The following PTGIS variants were observed in gnomAD, a reference collection of about 807,000 sequenced individuals.
PTGIS encodes the protein prostaglandin I2 synthase.
A neutral mutation model predicts 50.3 loss-of-function variants in PTGIS; 45 were observed. The observed-to-expected ratio is 0.90, with a 90% CI of 0.70 to 1.15. The LOEUF (loss-of-function observed/expected upper bound fraction) is 1.15, where lower values mean the gene tolerates loss of function less well. Among genes scored for constraint, PTGIS ranks in the 50% most tolerant of loss-of-function variants. The probability of loss-of-function intolerance (pLI) is 0.00; values close to 1 mark genes in which losing one functional copy is unlikely to be tolerated. For synonymous variants in PTGIS, 260 were observed against 267.7 expected, an observed-to-expected ratio of 0.97 and a Z score of 0.28; for missense variants, 668 against 661.3, an observed-to-expected ratio of 1.01 and a Z score of -0.11.
chr20:49,557,068 G>A (rs1218624814), intron 1 of PTGIS, among the ~76,000 whole-genome samples: 1 of 152,012 alleles, frequency 6.6e-6, no homozygotes, highest in African/African-American at 2.4e-5. Flanking sequence ...TTCCAGGTTC[G>A]TTCTTTCTTT....
chr20:49,565,148 ATTT>A (rs60427465), intron 1 of PTGIS, among the ~76,000 whole-genome samples: 5 of 146,128 alleles, frequency 3.4e-5, no homozygotes, highest in Non-Finnish European at 3.0e-5. Context: ...TTTTTTTTGT[ATTT>A]TTTTTTTTTT....
chr20:49,542,477 TC>T (rs1227761633), intron 4 of PTGIS, among the ~76,000 whole-genome samples: 6 of 152,298 alleles, frequency 3.9e-5, no homozygotes, highest in Admixed American at 3.9e-4. Context: ...CTGAGCTGAT[TC>T]CCCTGTGCCT....
intron 5 of PTGIS, among the ~76,000 whole-genome samples, chr20:49,536,509 C>A (rs1206063773): frequency 3.4e-5 from 4 of 117,386 alleles, no homozygotes; most frequent in Non-Finnish European, 6.5e-5. Context: ...GAGACGGAGT[C>A]TCACTCTGTC....
chr20:49,524,157 C>G lies in PTGIS; in HGVS notation c.756G>C (p.Arg252=), dbSNP rs2051918632. 6.2e-7 allele frequency: 1 copy of G among 1,614,118 alleles called. No individual in the cohort carries two copies. The highest frequency in any genetic ancestry group is 8.5e-7 in the Non-Finnish European group (1 of 1,180,046). Residue 252 remains arginine, a synonymous_variant, in exon 6 of 10, where the codon CGG becomes CGC. Transcript: ENST00000244043. ...SPARLARRAH[R]SKWLESYLLH... The stretch of plus-strand genomic sequence containing the variant: ...GCAGGTAACTCTCCAGCCATTTGCT[C>G]CGGTGGGCCCGCCTGGCCAGCCTGG...
rs183572091 is a variant in PTGIS at position 49,521,186 on chromosome 20, G to A, written c.855+2872C>T. On this transcript the variant is annotated intron_variant, in intron 6 of 9. Coordinates refer to ENST00000244043, the MANE Select transcript of PTGIS (RefSeq NM_000961.4). ...TGCCTCCTTTCATCTTCACAACCAC[G>A]TCTTGAAACGGGTGCTACCATCTCC... Among the ~76,000 whole-genome samples, 127 of 152,278 alleles carry A rather than the reference G, an allele frequency of 8.3e-4. 2 individuals carry two copies. The highest frequency in any genetic ancestry group is 6.9e-3 in the Admixed American group (105 of 15,300).
Position 49,524,236 on chromosome 20 carries a change from TC to T in PTGIS, c.676del (p.Asp226ThrfsTer110). 1 of 1,614,034 alleles carries T rather than the reference TC, an allele frequency of 6.2e-7. No homozygotes were observed. The highest frequency in any genetic ancestry group is 8.5e-7 in the Non-Finnish European group (1 of 1,179,994). On this transcript the variant is annotated frameshift_variant and splice_region_variant, in exon 6 of 10. Transcript: ENST00000244043. LOFTEE classifies it high-confidence loss of function. ...TTTGACACTGCACATGTGGTCCTTG[TC>T]CCCTGCAGGGACAGAGCACAGAGAG... is the stretch of plus-strand genomic sequence containing the variant. ...KLARGSLSVG[D>X]KDHMCSVKSR...
In PTGIS at chr20:49,517,966, G is replaced by A. The variant is rs540354922; in HGVS notation, c.856-3571C>T. Among the ~76,000 whole-genome samples the A allele has an allele frequency of 5.3e-4, 80 of 152,332 alleles. 1 individual carries two copies. The highest frequency in any genetic ancestry group is 2.9e-3 in the South Asian group (14 of 4,828). ...ATCCACGCAGAGTGGGGCATATGACGTGGGCTGGGCCAGTGAGTATCAGTC... is the reference window on the plus strand; with the variant it reads ...ATCCACGCAGAGTGGGGCATATGACATGGGCTGGGCCAGTGAGTATCAGTC... On this transcript the variant is annotated intron_variant, in intron 6 of 9. Transcript: ENST00000244043.
intron 8 of PTGIS, 27 bp downstream of exon 8, chr20:49,513,053 A>G: frequency 6.2e-7 from 1 of 1,613,792 alleles, no homozygotes; most frequent in South Asian, 1.1e-5. Flanking sequence ...CACAGACCCC[A>G]TATGACCAGG....
chr20:49,513,180 A>G lies in PTGIS; in HGVS notation c.1106T>C (p.Met369Thr). ...REVVVDLAMPMADGREFNLRR... is the reference protein window; with the variant it reads ...REVVVDLAMPTADGREFNLRR... ...CAGGTTGAATTCTCGCCCGTCTGCCATGGGCATGGCCAGGTCCACCACAAC... is the reference window on the plus strand; with the variant it reads ...CAGGTTGAATTCTCGCCCGTCTGCCGTGGGCATGGCCAGGTCCACCACAAC... The change falls in exon 8 of 10, where the codon ATG becomes ACG. Residue 369 changes from methionine (M) to threonine (T), a missense_variant. Transcript: ENST00000244043. 6.2e-7 allele frequency: 1 copy of G among 1,614,124 alleles called. No homozygotes were observed. Among genetic ancestry groups the G allele is most frequent in the Non-Finnish European group, 8.5e-7 (1 of 1,180,020 alleles).
At chr20:49,545,531 A>C (rs963327994) in intron 3 of PTGIS, among the ~76,000 whole-genome samples, 3 of 152,112 alleles carry the variant, frequency 2.0e-5, no homozygotes, top group Non-Finnish European at 2.9e-5. Flanking sequence ...GCACAGAGTG[A>C]GGAGAGGCCC....
At chr20:49,520,670 T>C (rs1305574549) in intron 6 of PTGIS, among the ~76,000 whole-genome samples, 1 of 152,068 alleles carries the variant, frequency 6.6e-6, no homozygotes, top group East Asian at 1.9e-4. Context: ...TTTGTTTATT[T>C]ATTTATTTAT....
intron 8 of PTGIS, 43 bp from the exon 9 acceptor site, chr20:49,511,222 C>T: frequency 2.5e-6 from 4 of 1,609,744 alleles, no homozygotes; most frequent in Non-Finnish European, 3.4e-6. Context: ...ATTCCCAGAA[C>T]AAGCTCACAC....
intron 5 of PTGIS, among the ~76,000 whole-genome samples, chr20:49,537,833 C>G (rs1291818127): frequency 6.6e-6 from 1 of 152,130 alleles, no homozygotes; most frequent in Non-Finnish European, 1.5e-5. Flanking sequence ...AAGATACGTA[C>G]AAGAATGTTC....
intron 5 of PTGIS, among the ~76,000 whole-genome samples, chr20:49,529,635 A>G (rs1268705634): frequency 1.3e-5 from 2 of 152,134 alleles, no homozygotes; most frequent in Admixed American, 6.6e-5. Flanking sequence ...ATCCTGCTCC[A>G]TCTTGCCTGG....
At chr20:49,551,911 C>T (rs1016240399) in intron 1 of PTGIS, among the ~76,000 whole-genome samples, 67 of 151,644 alleles carry the variant, frequency 4.4e-4, no homozygotes, top group African/African-American at 1.5e-3. Context: ...TTTTTCTTCC[C>T]AGTCGACTGA....
intron 6 of PTGIS, 60 bp from the exon 7 acceptor site, chr20:49,514,455 A>G: frequency 6.3e-7 from 1 of 1,580,882 alleles, no homozygotes; most frequent in Non-Finnish European, 8.6e-7. Flanking sequence ...CGTCTCTGCC[A>G]GGGACACAGC....
chr20:49,529,949 G>A (rs1389775920), intron 5 of PTGIS, among the ~76,000 whole-genome samples: 1 of 152,134 alleles, frequency 6.6e-6, no homozygotes, highest in Admixed American at 6.5e-5. Flanking sequence ...GAGGTCGGGA[G>A]TTCGAGTCCA....
chr20:49,551,484 C>A (rs1338766506), intron 1 of PTGIS, among the ~76,000 whole-genome samples: 1 of 152,114 alleles, frequency 6.6e-6, no homozygotes, highest in Non-Finnish European at 1.5e-5. Flanking sequence ...TTTTAAAATC[C>A]ACCTATAACC....
Position 49,514,230 on chromosome 20 carries a change from G to A in PTGIS, c.1021C>T (p.Leu341Phe). Residue 341 changes from leucine (L) to phenylalanine (F), a missense_variant, in exon 7 of 10, where the codon CTT becomes TTT. Leu to Phe is a conservative substitution (Grantham distance 22). Coordinates refer to ENST00000244043, the MANE Select transcript of PTGIS (RefSeq NM_000961.4). ...TTGGAGGGTCTGACGATCTCACCAAGCACAGGTGTGCTGTCTAGAACCTTC... is the reference window on the plus strand; with the variant it reads ...TTGGAGGGTCTGACGATCTCACCAAACACAGGTGTGCTGTCTAGAACCTTC... ...PQKVLDSTPV[L>F]DSVLSESLRL... 1.2e-6 allele frequency: 2 copies of A among 1,613,774 alleles called. No individual in the cohort carries two copies. The highest frequency in any genetic ancestry group is 1.7e-6 in the Non-Finnish European group (2 of 1,180,028).
Sources: gnomAD v4.1 joint callset for allele counts (sites outside exome capture counted in the v4.1 genomes callset) on GRCh38, gnomAD v4.1.1 for gene constraint, MANE v1.5 for transcripts, NCBI Gene and HGNC (gene_info 2026-07-23, HGNC 2026-07-21) for gene names.